The following PIEZO2 variants were observed in gnomAD, a reference collection of about 807,000 sequenced individuals.
The protein encoded by PIEZO2 is piezo type mechanosensitive ion channel component 2.
Under a neutral mutation model 337.3 loss-of-function variants are expected in PIEZO2, and 172 were observed. That is an observed-to-expected ratio of 0.51 (90% CI 0.45 to 0.58). The LOEUF (loss-of-function observed/expected upper bound fraction) is 0.58. Among genes scored for constraint, PIEZO2 ranks in the 20% least tolerant of loss-of-function variants. The probability of loss-of-function intolerance (pLI) is 0.00; values close to 1 mark genes in which losing one functional copy is unlikely to be tolerated. For synonymous variants in PIEZO2, 1,251 were observed against 1,228.5 expected (o/e 1.02, Z -0.38); for missense variants, 3,028 against 3,391.3 (o/e 0.89, Z 2.66).
At chr18:11,084,527 T>A (rs2038855893) in intron 1 of PIEZO2, among the ~76,000 whole-genome samples, 1 of 152,126 alleles carries the variant, frequency 6.6e-6, no homozygotes, top group Non-Finnish European at 1.5e-5. Flanking sequence ...GGAGGCCCCC[T>A]TTCCTCACCT....
Position 11,129,561 on chromosome 18 carries a change from T to C in PIEZO2, c.64+18964A>G, listed in dbSNP as rs1378923779. ...AACAGAATCACAGCCCCTCAATCAA[T>C]TTCCAGACTTGAGCCAGTTTATGCA... On this transcript the variant is annotated intron_variant, in intron 1 of 55. Transcript: ENST00000674853. The surrounding 1 kb of genome is among the most constrained non-coding windows in gnomAD (Gnocchi z 4.6). Among the ~76,000 whole-genome samples, 1 of 152,118 alleles carries C rather than the reference T, an allele frequency of 6.6e-6. No individual in the cohort carries two copies. The highest frequency in any genetic ancestry group is 1.5e-5 in the Non-Finnish European group (1 of 68,036).
At chr18:10,961,190 A>G (rs1181010682) in intron 3 of PIEZO2, among the ~76,000 whole-genome samples, 1 of 152,056 alleles carries the variant, frequency 6.6e-6, no homozygotes, top group Non-Finnish European at 1.5e-5. Flanking sequence ...CAAAAAAAAA[A>G]AAAGAAACTG....
Position 10,671,404 on chromosome 18 carries a change from C to G in PIEZO2, c.*123G>C. ...GCAGAAGGATATCAGCTCCTTTTGT[C>G]TACCTATCAGAAGAGAAACAAACCA... On this transcript the variant is annotated 3_prime_UTR_variant, in exon 56 of 56. Coordinates refer to ENST00000674853, the MANE Select transcript of PIEZO2 (RefSeq NM_001378183.1). 9.3e-7 allele frequency: 1 copy of G among 1,069,578 alleles called. No individual in the cohort carries two copies. The highest frequency in any genetic ancestry group is 1.8e-5 in the South Asian group (1 of 55,286). 66.3% of individuals were successfully genotyped at this position (1,069,578 alleles called of 1,614,324 possible).
At chr18:10,825,095 C>T (rs1158551399) in intron 7 of PIEZO2, among the ~76,000 whole-genome samples, 4 of 152,076 alleles carry the variant, frequency 2.6e-5, no homozygotes, top group Admixed American at 2.6e-4. Flanking sequence ...AACTCCTGAC[C>T]TCAGGTGATC....
intron 30 of PIEZO2, among the ~76,000 whole-genome samples, chr18:10,747,117 T>C (rs1336420233): frequency 6.6e-6 from 1 of 152,196 alleles, no homozygotes; most frequent in Non-Finnish European, 1.5e-5. Context: ...TTTTCTTCAA[T>C]AGGCATGAAC....
intron 2 of PIEZO2, among the ~76,000 whole-genome samples, chr18:11,034,491 C>T (rs970149034): frequency 6.6e-6 from 1 of 151,986 alleles, no homozygotes; most frequent in Non-Finnish European, 1.5e-5. Flanking sequence ...GATGGGGTTT[C>T]GCCGTGTTAG....
rs182726956 is a variant in PIEZO2, at chr18:10,761,544, A to G, written c.3250-433T>C. Among the ~76,000 whole-genome samples, 575 of 152,352 alleles carry G rather than the reference A, an allele frequency of 3.8e-3. 5 individuals are homozygous for G. The highest frequency in any genetic ancestry group is 0.013 in the African/African-American group (534 of 41,578). ...TTGAACACTCCTGAAATCTGGCTAC[A>G]GACAGCAATAGATTGAAAAGCATGC... On this transcript the variant is annotated intron_variant, in intron 23 of 55. Coordinates refer to ENST00000674853, the MANE Select transcript of PIEZO2 (RefSeq NM_001378183.1).
intron 3 of PIEZO2, among the ~76,000 whole-genome samples, chr18:10,941,353 G>A (rs771778672): frequency 4.6e-5 from 7 of 151,984 alleles, no homozygotes; most frequent in Admixed American, 2.0e-4. Context: ...ATCAATCCCC[G>A]CTTACACCCC....
Position 10,801,942 on chromosome 18 carries a change from C to G in PIEZO2, c.1201-514G>C, listed in dbSNP as rs546743107. Reference sequence around the variant, plus strand: ...TCTACTAAAAATACAAAAAATTAGCCGGGCGTCGTGGTGGGTGCTTGTAGT... The same window carrying G: ...TCTACTAAAAATACAAAAAATTAGCGGGGCGTCGTGGTGGGTGCTTGTAGT... On this transcript the variant is annotated intron_variant, in intron 9 of 55. Coordinates refer to ENST00000674853, the MANE Select transcript of PIEZO2 (RefSeq NM_001378183.1). Among the ~76,000 whole-genome samples, 44 of 151,822 alleles carry G rather than the reference C, an allele frequency of 2.9e-4. No homozygotes were observed. In the South Asian group the frequency reaches 9.0e-3, roughly 31 times the overall value.
intron 3 of PIEZO2, among the ~76,000 whole-genome samples, chr18:10,934,505 A>C (rs1324387083): frequency 6.6e-6 from 1 of 152,236 alleles, no homozygotes; most frequent in Non-Finnish European, 1.5e-5. Flanking sequence ...ACCCATTTTC[A>C]TTCCTATTTT....
chr18:10,740,855 T>G (rs554599764), intron 33 of PIEZO2, 176 bp downstream of exon 33: 2 of 718,754 alleles, frequency 2.8e-6, no homozygotes, highest in East Asian at 2.7e-5. Flanking sequence ...TCTGGAAGAA[T>G]TGGACCCCGG....
At chr18:11,006,355 A>C (rs186235065) in intron 2 of PIEZO2, among the ~76,000 whole-genome samples, 1 of 152,224 alleles carries the variant, frequency 6.6e-6, no homozygotes, top group Non-Finnish European at 1.5e-5. Flanking sequence ...AACTGAACGA[A>C]TGAATGAAAT....
chr18:10,941,170 G>A (rs1011102632), intron 3 of PIEZO2, among the ~76,000 whole-genome samples: 1 of 151,986 alleles, frequency 6.6e-6, no homozygotes, highest in Non-Finnish European at 1.5e-5. Context: ...AAAATGTTGG[G>A]GTCAACATTT....
rs150828873 is a variant in PIEZO2 at position 10,794,724 on chromosome 18, T to C, written c.1758+48A>G. On this transcript the variant is annotated intron_variant, in intron 13 of 55. Transcript: ENST00000674853. This position sits in a 1 kb window ranked among gnomAD's most constrained non-coding sequence, Gnocchi z 6.6. ...CTCTTGGATACGATTATGATGATGA[T>C]TGTGGTTTTGTGTCATTGTTTTGTT... The C allele has an allele frequency of 1.8e-4, 239 of 1,299,138 alleles. 1 individual carries two copies. In the East Asian group the frequency reaches 4.3e-3, roughly 23 times the overall value. 80.5% of individuals were successfully genotyped at this position (1,299,138 alleles called of 1,614,324 possible).
At chr18:10,732,294 G>C (rs756339010) in intron 35 of PIEZO2, among the ~76,000 whole-genome samples, 3 of 152,196 alleles carry the variant, frequency 2.0e-5, no homozygotes, top group Middle Eastern at 3.2e-3. Context: ...AGCCAAGCAG[G>C]CATGCCTCTC....
In PIEZO2 at chr18:10,750,488, T is replaced by C. The variant is rs1178248892; in HGVS notation, c.4168-301A>G. ...ATCATAGAAATAAATCCCAACTCTG[T>C]GATAATGAATGGGTGTGCACTGAAC... On this transcript the variant is annotated intron_variant, in intron 28 of 55. Transcript: ENST00000674853. This position sits in a 1 kb window ranked among gnomAD's most constrained non-coding sequence, Gnocchi z 4.1. 6.6e-6 allele frequency among the ~76,000 whole-genome samples: 1 copy of C among 152,210 alleles called. No individual in the cohort carries two copies. Among genetic ancestry groups the C allele is most frequent in the Non-Finnish European group, 1.5e-5 (1 of 68,046 alleles).
intron 1 of PIEZO2, among the ~76,000 whole-genome samples, chr18:11,079,445 C>T (rs1005539421): frequency 6.6e-6 from 1 of 152,204 alleles, no homozygotes; most frequent in African/African-American, 2.4e-5. Flanking sequence ...TGGCCTATCA[C>T]TTGAAAAAGT....
At chr18:11,043,420 G>C (rs1481088348) in intron 2 of PIEZO2, among the ~76,000 whole-genome samples, 5 of 152,124 alleles carry the variant, frequency 3.3e-5, no homozygotes, top group Non-Finnish European at 7.4e-5. Context: ...AAAATTACTT[G>C]TTGTATGTCT....
Position 10,903,716 on chromosome 18 carries a change from C to T in PIEZO2, c.329+7470G>A, listed in dbSNP as rs1185919515. ...ACTTCTTGGCATTGCCTATAAGATA[C>T]TTCCTGACATGGTTTCCACTCCATA... On this transcript the variant is annotated intron_variant, in intron 4 of 55. Coordinates refer to ENST00000674853, the MANE Select transcript of PIEZO2 (RefSeq NM_001378183.1). This position sits in a 1 kb window ranked among gnomAD's most constrained non-coding sequence, Gnocchi z 4.1. 1.3e-5 allele frequency among the ~76,000 whole-genome samples: 2 copies of T among 152,116 alleles called. No individual in the cohort carries two copies. Among genetic ancestry groups the T allele is most frequent in the Non-Finnish European group, 2.9e-5 (2 of 68,006 alleles).
Sources: gnomAD v4.1 joint callset for allele counts (sites outside exome capture counted in the v4.1 genomes callset) on GRCh38, gnomAD v4.1.1 for gene constraint, Gnocchi (gnomAD v3.1) non-coding constraint, MANE v1.5 for transcripts, NCBI Gene and HGNC (gene_info 2026-07-23, HGNC 2026-07-21) for gene names.